The following NFATC1 variants were observed in gnomAD, a reference collection of about 807,000 sequenced individuals.
The protein encoded by NFATC1 is nuclear factor of activated T cells 1, also known as nuclear factor of activated T-cells, cytoplasmic 1.
A neutral mutation model predicts 76.0 loss-of-function variants in NFATC1; 22 were observed. That is an observed-to-expected ratio of 0.29 (90% CI 0.21 to 0.41). The LOEUF (loss-of-function observed/expected upper bound fraction) is 0.41, where lower values mean the gene tolerates loss of function less well. NFATC1 is among the 10% of genes least tolerant of loss of function. The pLI, the probability that NFATC1 is intolerant of heterozygous loss-of-function variation, is 1.00. For synonymous variants in NFATC1, 704 were observed against 613.1 expected (o/e 1.15, Z -2.19); for missense variants, 1,357 against 1,337.7 (o/e 1.01, Z -0.23).
chr18:79,478,431 G>T (rs1256896493), intron 8 of NFATC1, among the ~76,000 whole-genome samples: 1 of 152,180 alleles, frequency 6.6e-6, no homozygotes, highest in African/African-American at 2.4e-5. Context: ...CCCCAGGTCT[G>T]CCCTGGGTGA....
At chr18:79,459,476 C>G (rs1333599370) in intron 6 of NFATC1, among the ~76,000 whole-genome samples, 1 of 152,182 alleles carries the variant, frequency 6.6e-6, no homozygotes, top group South Asian at 2.1e-4. Context: ...ATGGCGTCCC[C>G]TCGGGGTGTC....
At chr18:79,461,277 A>C (rs761696644) in intron 6 of NFATC1, 34 bp from the exon 7 acceptor site, 1 of 1,613,448 alleles carries the variant, frequency 6.2e-7, no homozygotes, top group Admixed American at 1.7e-5. Flanking sequence ...CCCACCACAC[A>C]GAGTCACAGA....
chr18:79,411,374 G>T lies in NFATC1; in HGVS notation c.1099G>T (p.Ala367Ser), dbSNP rs181064956. The T allele has an allele frequency of 3.2e-6, 5 of 1,585,520 alleles. No homozygotes were observed. In the African/African-American group the frequency reaches 5.4e-5, roughly 17 times the overall value. ...LGSPPPPADFAPEDYSSFQHI... is the reference protein window; with the variant it reads ...LGSPPPPADFSPEDYSSFQHI... Reference sequence around the variant, plus strand: ...CAGCCCCCCGCCCCCGGCCGACTTCGCGCCCGAAGACTACTCCTCTTTCCA... The same window carrying T: ...CAGCCCCCCGCCCCCGGCCGACTTCTCGCCCGAAGACTACTCCTCTTTCCA... Residue 367 changes from alanine (A) to serine (S), a missense_variant, in exon 2 of 10, where the codon GCG (alanine) becomes TCG (serine). Physicochemically the swap from Ala to Ser is moderately conservative, Grantham distance 99. Coordinates refer to ENST00000427363, the MANE Select transcript of NFATC1 (RefSeq NM_001278669.2).
intron 8 of NFATC1, among the ~76,000 whole-genome samples, chr18:79,482,405 G>T (rs1189434260): frequency 7.2e-6 from 1 of 138,002 alleles, no homozygotes; most frequent in African/African-American, 2.8e-5. Context: ...GCATGACCTG[G>T]TTCCTGGGGT....
At chr18:79,469,532 G>C in intron 8 of NFATC1, 3 of 985,732 alleles carry the variant, frequency 3.0e-6, no homozygotes, top group Non-Finnish European at 3.6e-6. Flanking sequence ...CGGCCGTCCT[G>C]TCCTACCAGC....
At chr18:79,412,865 G>A (rs572598875) in intron 2 of NFATC1, among the ~76,000 whole-genome samples, 5 of 152,310 alleles carry the variant, frequency 3.3e-5, no homozygotes, top group South Asian at 2.1e-4. Flanking sequence ...TGCAGTGGGC[G>A]CATTTACCTT....
chr18:79,460,644 G>C (rs7235530), intron 6 of NFATC1, among the ~76,000 whole-genome samples: 36,445 of 152,228 alleles, frequency 0.24, 5,405 homozygotes, highest in African/African-American at 0.41. Flanking sequence ...CTCCTGATGG[G>C]CAAGAAGTTG....
At chr18:79,425,992 G>T (rs1475301719) in intron 2 of NFATC1, among the ~76,000 whole-genome samples, 1 of 152,148 alleles carries the variant, frequency 6.6e-6, no homozygotes, top group African/African-American at 2.4e-5. Flanking sequence ...CACCAGGATC[G>T]CTGGAGCCCA....
rs1455687366 is a variant in NFATC1, at chr18:79,528,779, A to C, written c.*1202A>C. ...GCTCAGCCCTGCGTTGTGTGTTTTC[A>C]GATGAGTTACTGTTAACAGGTAGGT... On this transcript the variant is annotated 3_prime_UTR_variant, in exon 10 of 10. Coordinates refer to ENST00000427363, the MANE Select transcript of NFATC1 (RefSeq NM_001278669.2). The C allele has an allele frequency of 2.0e-5, 3 of 152,460 alleles. No individual in the cohort carries two copies. The highest frequency in any genetic ancestry group is 4.8e-5 in the African/African-American group (2 of 41,470). The allele number at this position is 152,460 out of a possible 1,614,324, so 9.4% of individuals were successfully genotyped here.
At chr18:79,441,383 C>T (rs2086970291) in intron 3 of NFATC1, among the ~76,000 whole-genome samples, 1 of 152,142 alleles carries the variant, frequency 6.6e-6, no homozygotes, top group African/African-American at 2.4e-5. Context: ...TCCTGGGCCT[C>T]TCTCCCCCGT....
intron 4 of NFATC1, 30 bp downstream of exon 4, chr18:79,449,014 C>G (rs755341295): frequency 1.2e-6 from 2 of 1,606,542 alleles, no homozygotes; most frequent in Non-Finnish European, 1.7e-6. Flanking sequence ...CGGCCTCTGG[C>G]AGGGGGCGGT....
At chr18:79,495,781 A>T (rs983412429) in intron 9 of NFATC1, among the ~76,000 whole-genome samples, 1 of 151,682 alleles carries the variant, frequency 6.6e-6, no homozygotes. Context: ...GAGTCATTGT[A>T]ACGTAGGCAG....
rs995244512 is a variant in NFATC1, at chr18:79,524,515, T to C, written c.2783-3013T>C. ...GTGTCTGGTCCCGGCCACGCGTCCC[T>C]GCAGCGTCTGAGACCTTGTGGAACA... On this transcript the variant is annotated intron_variant, in intron 9 of 9. Coordinates refer to ENST00000427363, the MANE Select transcript of NFATC1 (RefSeq NM_001278669.2). The surrounding 1 kb of genome is among the most constrained non-coding windows in gnomAD (Gnocchi z 7.2). Among the ~76,000 whole-genome samples, 20 of 152,194 alleles carry C rather than the reference T, an allele frequency of 1.3e-4. No individual in the cohort carries two copies. Among genetic ancestry groups the C allele is most frequent in the African/African-American group, 4.8e-4 (20 of 41,442 alleles).
chr18:79,410,740 C>T lies in NFATC1; in HGVS notation c.465C>T (p.Ala155=), dbSNP rs777308987. The change falls in exon 2 of 10, where the codon GCC becomes GCT. Residue 155 remains alanine (A), a synonymous_variant. Coordinates refer to ENST00000427363, the MANE Select transcript of NFATC1 (RefSeq NM_001278669.2). The surrounding 1 kb of genome is among the most constrained non-coding windows in gnomAD (Gnocchi z 6.7). The stretch of plus-strand genomic sequence containing the variant: ...GCTCCAAACGGTCCCCCTCCACGGC[C>T]ACGCTGAGTCTGCCCAGCCTGGAGG... ...LPSSKRSPST[A]TLSLPSLEAY... 4 of 1,612,920 alleles carry T rather than the reference C, an allele frequency of 2.5e-6. No homozygotes were observed. Among genetic ancestry groups the T allele is most frequent in the Non-Finnish European group, 2.5e-6 (3 of 1,180,012 alleles).
chr18:79,519,114 CAG>C (rs2090453691), intron 9 of NFATC1, among the ~76,000 whole-genome samples: 1 of 152,194 alleles, frequency 6.6e-6, no homozygotes, highest in Admixed American at 6.5e-5. Flanking sequence ...GACCTCGCCT[CAG>C]AAAGGCTTCA....
intron 6 of NFATC1, among the ~76,000 whole-genome samples, chr18:79,459,654 ACTATAGC>A (rs997622351): frequency 2.0e-5 from 3 of 152,020 alleles, no homozygotes; most frequent in Non-Finnish European, 2.9e-5. Context: ...CGGGAAGCAA[ACTATAGC>A]CTGTTGCGCC....
chr18:79,515,954 G>A (rs970540442), intron 9 of NFATC1: 1 of 151,560 alleles, frequency 6.6e-6, no homozygotes, highest in Non-Finnish European at 1.5e-5. Flanking sequence ...TGGCAGTTTG[G>A]TGCAGATAAG....
Position 79,486,738 on chromosome 18 carries a change from G to A in NFATC1, c.2583G>A (p.Leu861=), listed in dbSNP as rs759763334. 1.9e-6 allele frequency: 3 copies of A among 1,599,888 alleles called. No homozygotes were observed. Among genetic ancestry groups the A allele is most frequent in the South Asian group, 2.2e-5 (2 of 90,144 alleles). ...CTGCCACCCAAGAGCCGACCTGCCT[G>A]CAGCCCTGCAGCCCAGCGTGCCCGC... ...LPPATQEPTC[L]QPCSPACPPA... The change falls in exon 9 of 10, where the codon CTG becomes CTA. Residue 861 remains leucine, a synonymous_variant. Transcript: ENST00000427363.
intron 6 of NFATC1, among the ~76,000 whole-genome samples, chr18:79,456,756 G>T (rs77865749): frequency 6.6e-6 from 1 of 152,114 alleles, no homozygotes; most frequent in African/African-American, 2.4e-5. Flanking sequence ...TGTTTTAGTC[G>T]TGCGGGATGT....
Sources: gnomAD v4.1 joint callset for allele counts (sites outside exome capture counted in the v4.1 genomes callset) on GRCh38, gnomAD v4.1.1 for gene constraint, Gnocchi (gnomAD v3.1) non-coding constraint, MANE v1.5 for transcripts, NCBI Gene and HGNC (gene_info 2026-07-23, HGNC 2026-07-21) for gene names.